The following ACYP2 variants were observed in gnomAD, a reference collection of about 807,000 sequenced individuals.
ACYP2 encodes acylphosphatase 2.
In ACYP2, 12 loss-of-function variants were observed where a neutral mutation model predicts 11.2. The observed-to-expected ratio is 1.08, with a 90% confidence interval of 0.69 to 1.74. The LOEUF is 1.74. ACYP2 is among the 40% of genes most tolerant of loss of function. The probability of loss-of-function intolerance (pLI) is 0.00; values close to 1 mark genes in which losing one functional copy is unlikely to be tolerated. For missense variants in ACYP2, 134 were observed against 101.9 expected (o/e 1.31, Z -1.35); for synonymous variants, 43 against 32.2 (o/e 1.33, Z -1.13).
chr2:53,972,864 G>C (rs1322715706), intron 1 of ACYP2, among the ~76,000 whole-genome samples: 1 of 152,220 alleles, frequency 6.6e-6, no homozygotes, highest in Non-Finnish European at 1.5e-5. Flanking sequence ...CAGCTTGGGA[G>C]GCAGAATGCC....
intron 2 of ACYP2, among the ~76,000 whole-genome samples, chr2:54,018,351 A>T (rs370081868): frequency 6.6e-6 from 1 of 152,232 alleles, no homozygotes; most frequent in Non-Finnish European, 1.5e-5. Context: ...AGCCGCTGGT[A>T]TAGTGGGAAA....
At chr2:54,125,049 T>G (rs1346277117) in intron 4 of ACYP2, among the ~76,000 whole-genome samples, 3 of 152,074 alleles carry the variant, frequency 2.0e-5, no homozygotes, top group Non-Finnish European at 4.4e-5. Context: ...CACCATGCCC[T>G]GCCCCAAATG....
chr2:54,258,086 G>C (rs1272483544), intron 6 of ACYP2, among the ~76,000 whole-genome samples: 1 of 152,200 alleles, frequency 6.6e-6, no homozygotes, highest in Non-Finnish European at 1.5e-5. Flanking sequence ...ACGGTGAACA[G>C]ACCAAAGATT....
intron 2 of ACYP2, among the ~76,000 whole-genome samples, chr2:54,048,422 C>T (rs919063400): frequency 1.3e-5 from 2 of 151,800 alleles, no homozygotes; most frequent in African/African-American, 4.8e-5. Context: ...TGAGTTTTGT[C>T]TCAAGAAAAA....
At chr2:54,216,118 T>C (rs1229572923) in intron 6 of ACYP2, among the ~76,000 whole-genome samples, 2 of 152,216 alleles carry the variant, frequency 1.3e-5, no homozygotes, top group East Asian at 1.9e-4. Context: ...CTAAAAAACT[T>C]TGTTAAATAA....
intron 6 of ACYP2, among the ~76,000 whole-genome samples, chr2:54,287,504 T>C (rs1689128008): frequency 6.6e-6 from 1 of 151,988 alleles, no homozygotes. Flanking sequence ...TTCAAACTCA[T>C]AGAATGTGTT....
Position 54,201,318 on chromosome 2 carries a change from G to A in ACYP2, c.404+62570G>A, listed in dbSNP as rs539254005. Among the ~76,000 whole-genome samples, 57 of 152,084 alleles carry A rather than the reference G, an allele frequency of 3.7e-4. No individual in the cohort carries two copies. In the South Asian group the frequency reaches 0.01, roughly 27 times the overall value. On this transcript the variant is annotated intron_variant, in intron 6 of 6. Transcript: ENST00000607452. ...GATGGGGTTTCACCATGTTAGCCAG[G>A]ATGGTCTCAATCTCCTGACCTCGTG... is the stretch of plus-strand genomic sequence containing the variant.
At chr2:54,029,661 C>T in intron 2 of ACYP2, 1 of 427,040 alleles carries the variant, frequency 2.3e-6, no homozygotes. Flanking sequence ...ATTCTCTTAG[C>T]TTGTAGAGTG....
chr2:54,247,726 C>A (rs983664357), intron 6 of ACYP2, among the ~76,000 whole-genome samples: 3 of 152,072 alleles, frequency 2.0e-5, no homozygotes, highest in Non-Finnish European at 4.4e-5. Flanking sequence ...AAAATCTAAG[C>A]CAATTATTAT....
intron 2 of ACYP2, chr2:53,973,890 TGTGTGTGTG>T: frequency 7.5e-6 from 1 of 132,578 alleles, no homozygotes; most frequent in Non-Finnish European, 1.4e-5. Context: ...TGTGTGTGTG[TGTGTGTGTG>T]TGTATATATT....
intron 6 of ACYP2, among the ~76,000 whole-genome samples, chr2:54,274,576 A>G (rs1003803203): frequency 2.3e-5 from 3 of 132,150 alleles, no homozygotes; most frequent in Admixed American, 9.5e-5. Context: ...GCAGTGAGCC[A>G]TGGTCACACC....
At chr2:54,090,942 G>C (rs1186177982) in intron 4 of ACYP2, among the ~76,000 whole-genome samples, 1 of 152,116 alleles carries the variant, frequency 6.6e-6, no homozygotes, top group Non-Finnish European at 1.5e-5. Context: ...TTGAGGGTAG[G>C]AATTCTACAC....
At chr2:54,015,372 G>T (rs575956644) in intron 2 of ACYP2, among the ~76,000 whole-genome samples, 8 of 152,226 alleles carry the variant, frequency 5.3e-5, no homozygotes, top group African/African-American at 1.7e-4. Flanking sequence ...GCCAGGTGTG[G>T]TGGTGCATGC....
intron 6 of ACYP2, among the ~76,000 whole-genome samples, chr2:54,232,513 G>C (rs1180683127): frequency 6.6e-6 from 1 of 152,164 alleles, no homozygotes; most frequent in Non-Finnish European, 1.5e-5. Context: ...CAAATCGCAT[G>C]GGCATCATGG....
At chr2:54,075,503 T>TAAAA (rs56893194) in intron 4 of ACYP2, among the ~76,000 whole-genome samples, 1 of 120,362 alleles carries the variant, frequency 8.3e-6, no homozygotes. Context: ...GTCTCAAAAT[T>TAAAA]AAAAAAAAAA....
chr2:54,123,482 GA>G, intron 4 of ACYP2: 2 of 398,486 alleles, frequency 5.0e-6, no homozygotes, highest in Non-Finnish European at 4.4e-6. Context: ...ACAAAATTGA[GA>G]TATAATTTAC....
At chr2:54,033,274 T>C (rs942490032) in intron 2 of ACYP2, among the ~76,000 whole-genome samples, 11 of 151,704 alleles carry the variant, frequency 7.3e-5, no homozygotes, top group African/African-American at 2.7e-4. Context: ...CAAGGCTCAC[T>C]GCAGCCTTGA....
At chr2:54,229,394 C>T (rs931681694) in intron 6 of ACYP2, among the ~76,000 whole-genome samples, 1 of 152,036 alleles carries the variant, frequency 6.6e-6, no homozygotes, top group Non-Finnish European at 1.5e-5. Context: ...GCAGAGTTCA[C>T]GAAGCCATTT....
rs147731699 is a variant in ACYP2 at position 53,986,079 on chromosome 2, A to G, written c.62+12269A>G. On this transcript the variant is annotated intron_variant, in intron 2 of 6. Coordinates refer to ENST00000607452, the MANE Select transcript of ACYP2 (RefSeq NM_001320586.2). ...GAGGCAGAGGTTGCTGTGAGCCGAG[A>G]TAATGCCACTGCACTCCAGTCTGAG... is the stretch of plus-strand genomic sequence containing the variant. 2.4e-3 allele frequency among the ~76,000 whole-genome samples: 368 copies of G among 152,232 alleles called. 7 individuals are homozygous for G. In the East Asian group the frequency reaches 0.058, roughly 24 times the overall value.
Sources: gnomAD v4.1 joint callset for allele counts (sites outside exome capture counted in the v4.1 genomes callset) on GRCh38, gnomAD v4.1.1 for gene constraint, MANE v1.5 for transcripts, NCBI Gene and HGNC (gene_info 2026-07-23, HGNC 2026-07-21) for gene names.